The following FAM81A variants were observed in gnomAD, a reference collection of about 807,000 sequenced individuals.
FAM81A encodes the protein protein FAM81A.
A neutral mutation model predicts 46.7 loss-of-function variants in FAM81A; 19 were observed. The ratio of observed to expected loss-of-function variants is 0.41; its 90% CI spans 0.28 to 0.60. FAM81A has a LOEUF of 0.60. FAM81A is among the 20% of genes least tolerant of loss of function. FAM81A has a pLI of 0.34. For missense variants in FAM81A, 377 were observed against 453.5 expected, an observed-to-expected ratio of 0.83 and a Z score of 1.53; for synonymous variants, 183 against 152.9, an observed-to-expected ratio of 1.20 and a Z score of -1.45.
chr15:59,451,788 G>A (rs968530539), intron 1 of FAM81A, among the ~76,000 whole-genome samples: 1 of 144,988 alleles, frequency 6.9e-6, no homozygotes, highest in Non-Finnish European at 1.6e-5. Context: ...TCTGCTTTTA[G>A]TAGACATGCT....
At chr15:59,429,448 T>C (rs1337876316) in intron 2 of FAM81A, among the ~76,000 whole-genome samples, 1 of 152,160 alleles carries the variant, frequency 6.6e-6, no homozygotes, top group Non-Finnish European at 1.5e-5. Flanking sequence ...AAAAAATCTG[T>C]GTTGAAGATT....
chr15:59,471,769 G>A (rs1370009909), intron 3 of FAM81A, among the ~76,000 whole-genome samples: 2 of 151,720 alleles, frequency 1.3e-5, no homozygotes, highest in Non-Finnish European at 2.9e-5. Context: ...CCAAGCTTGT[G>A]CCTCTTGGCT....
chr15:59,421,249 T>C (rs1423526390), intron 2 of FAM81A, among the ~76,000 whole-genome samples: 1 of 152,210 alleles, frequency 6.6e-6, no homozygotes, highest in African/African-American at 2.4e-5. Flanking sequence ...CTAGGTAGAA[T>C]TGGAGCTCAG....
intron 2 of FAM81A, among the ~76,000 whole-genome samples, chr15:59,420,538 A>G (rs548128503): frequency 6.6e-6 from 1 of 152,258 alleles, no homozygotes; most frequent in Non-Finnish European, 1.5e-5. Context: ...GTTGTTGCAT[A>G]CCAAATGTCA....
chr15:59,493,150 C>T (rs562940483), intron 4 of FAM81A, among the ~76,000 whole-genome samples: 1 of 152,112 alleles, frequency 6.6e-6, no homozygotes, highest in African/African-American at 2.4e-5. Context: ...CCTGAGGTGG[C>T]AATGAGGGTG....
intron 1 of FAM81A, among the ~76,000 whole-genome samples, chr15:59,457,308 A>G (rs1357781698): frequency 3.3e-5 from 5 of 152,202 alleles, no homozygotes; most frequent in African/African-American, 7.2e-5. Context: ...TATCCACACC[A>G]TGTATACCTG....
intron 4 of FAM81A, among the ~76,000 whole-genome samples, chr15:59,506,373 C>G (rs2082149042): frequency 1.3e-5 from 2 of 151,996 alleles, no homozygotes; most frequent in Admixed American, 1.3e-4. Flanking sequence ...GGAGTCTGTG[C>G]TCTTGTAACT....
intron 2 of FAM81A, among the ~76,000 whole-genome samples, chr15:59,422,858 A>G (rs1276534896): frequency 6.6e-6 from 1 of 152,246 alleles, no homozygotes; most frequent in Non-Finnish European, 1.5e-5. Flanking sequence ...TGAGTGGTTC[A>G]TAAGAAATTT....
intron 1 of FAM81A, among the ~76,000 whole-genome samples, chr15:59,444,924 T>C (rs1376161555): frequency 6.6e-6 from 1 of 152,230 alleles, no homozygotes; most frequent in Non-Finnish European, 1.5e-5. Flanking sequence ...TTTAAAAATG[T>C]AGCTATCAGT....
intron 3 of FAM81A, among the ~76,000 whole-genome samples, chr15:59,485,314 G>A (rs1382725097): frequency 3.9e-5 from 6 of 152,170 alleles, no homozygotes; most frequent in Non-Finnish European, 8.8e-5. Context: ...AGCAAGATTC[G>A]GTGCTGTGCT....
chr15:59,443,846 C>T (rs60558169), intron 1 of FAM81A: 3,366 of 152,316 alleles, frequency 0.022, 120 homozygotes, highest in African/African-American at 0.077. Flanking sequence ...TGGCCTCAAT[C>T]GACTGTTCCA....
chr15:59,506,860 C>G (rs531418335), intron 4 of FAM81A, among the ~76,000 whole-genome samples: 1 of 152,148 alleles, frequency 6.6e-6, no homozygotes, highest in Non-Finnish European at 1.5e-5. Context: ...CCAAGGAGGC[C>G]CCCAACTTCG....
intron 3 of FAM81A, among the ~76,000 whole-genome samples, chr15:59,472,742 G>A (rs1206294307): frequency 6.6e-6 from 1 of 151,984 alleles, no homozygotes; most frequent in Non-Finnish European, 1.5e-5. Flanking sequence ...GTAGAGACGG[G>A]AGTCTTGGTA....
chr15:59,503,721 C>T (rs1421605981), intron 4 of FAM81A, among the ~76,000 whole-genome samples: 1 of 152,036 alleles, frequency 6.6e-6, no homozygotes, highest in Non-Finnish European at 1.5e-5. Flanking sequence ...TACATGCGTG[C>T]ACCACCACAC....
rs2081541064 is a variant in FAM81A, at chr15:59,460,666, ACT to A, written c.294+462_294+463del. On this transcript the variant is annotated intron_variant, in intron 3 of 8. Coordinates refer to ENST00000288228, the MANE Select transcript of FAM81A (RefSeq NM_152450.3). This position sits in a 1 kb window ranked among gnomAD's most constrained non-coding sequence, Gnocchi z 4.4. The stretch of plus-strand genomic sequence containing the variant: ...TTTAGGCATTTGGATTGCTCCTCAG[ACT>A]CCCCTTTTTACTGCTGTAGTTTTCT... 4.7e-6 allele frequency: 1 copy of A among 214,278 alleles called. No individual in the cohort carries two copies. The highest frequency in any genetic ancestry group is 5.3e-5 in the Admixed American group (1 of 18,700). 13.3% of individuals were successfully genotyped at this position (214,278 alleles called of 1,614,324 possible). A position where few individuals can be genotyped will look rare whatever the true frequency, so the allele number is the denominator to read the frequency against.
intron 2 of FAM81A, among the ~76,000 whole-genome samples, chr15:59,420,329 G>A (rs2081166323): frequency 6.6e-6 from 1 of 152,162 alleles, no homozygotes; most frequent in South Asian, 2.1e-4. Context: ...CCATATGTAG[G>A]CGGGGACATC....
At chr15:59,429,600 A>T (rs1322470275) in intron 2 of FAM81A, among the ~76,000 whole-genome samples, 1 of 152,232 alleles carries the variant, frequency 6.6e-6, no homozygotes, top group Non-Finnish European at 1.5e-5. Context: ...ACAAGAGTCA[A>T]ATTGATTATG....
At chr15:59,463,022 A>G (rs2081571253) in intron 3 of FAM81A, among the ~76,000 whole-genome samples, 1 of 152,094 alleles carries the variant, frequency 6.6e-6, no homozygotes, top group African/African-American at 2.4e-5. Context: ...GTTTTATTGA[A>G]GTCTAATATC....
rs1275618271 is a variant in FAM81A at position 59,492,501 on chromosome 15, A to G, written c.413+112A>G. 7.5e-6 allele frequency: 6 copies of G among 801,500 alleles called. No homozygotes were observed. The East Asian group carries it at 8.4e-5, about 11-fold the overall frequency. 49.6% of individuals were successfully genotyped at this position (801,500 alleles called of 1,614,324 possible). On this transcript the variant is annotated intron_variant, in intron 4 of 8. Coordinates refer to ENST00000288228, the MANE Select transcript of FAM81A (RefSeq NM_152450.3). ...CAAAGCAAATGGCTTGCATTCCTTT[A>G]GTACATTCCCTCCCTGCTTTGGCCA...
Sources: allele counts gnomAD v4.1 joint callset (sites outside exome capture counted in the v4.1 genomes callset), GRCh38; gene constraint gnomAD v4.1.1; non-coding constraint Gnocchi (gnomAD v3.1); transcripts MANE v1.5; gene names NCBI Gene and HGNC (gene_info 2026-07-23, HGNC 2026-07-21).